RPSA2: variants seen among roughly 807,000 people sequenced by gnomAD.
The protein encoded by RPSA2 is ribosomal protein SA 2.
chr19:23,831,637 G>A, the RPSA2 span: 19 of 195,208 alleles, frequency 9.7e-5, no homozygotes, highest in East Asian at 3.0e-3. Flanking sequence ...GGCCAGAGCA[G>A]GGCATGGAAG....
chr19:23,766,600 G>A, the RPSA2 span, among the ~76,000 whole-genome samples: 1 of 151,208 alleles, frequency 6.6e-6, no homozygotes, highest in Non-Finnish European at 1.5e-5. Context: ...GACTACAGGC[G>A]CCCACCACCT....
the RPSA2 span, among the ~76,000 whole-genome samples, chr19:23,786,018 A>G: frequency 1.3e-5 from 2 of 152,198 alleles, no homozygotes; most frequent in Non-Finnish European, 1.5e-5. Flanking sequence ...CCATAATACA[A>G]TCCACAGTTA....
the RPSA2 span, among the ~76,000 whole-genome samples, chr19:23,803,403 A>AT: frequency 7.9e-5 from 12 of 151,004 alleles, no homozygotes; most frequent in African/African-American, 2.2e-4. Flanking sequence ...TAATTAAAAA[A>AT]ATTTTTTTTA....
chr19:23,812,503 C>A, the RPSA2 span, among the ~76,000 whole-genome samples: 2 of 148,696 alleles, frequency 1.3e-5, no homozygotes, highest in African/African-American at 4.9e-5. Context: ...TCAAGCAATT[C>A]TCCTGCCTCA....
At chr19:23,860,145 G>C in the RPSA2 span, among the ~76,000 whole-genome samples, 1 of 152,164 alleles carries the variant, frequency 6.6e-6, no homozygotes, top group Middle Eastern at 3.4e-3. Flanking sequence ...TCATATTACA[G>C]CCCTGCTGCA....
chr19:23,818,131 G>A, the RPSA2 span: 2 of 152,090 alleles, frequency 1.3e-5, no homozygotes, highest in African/African-American at 2.4e-5. Flanking sequence ...AATTTTTCAT[G>A]AAAAGGCAAG....
chr19:23,810,066 G>C, the RPSA2 span, among the ~76,000 whole-genome samples: 4 of 152,108 alleles, frequency 2.6e-5, no homozygotes, highest in Non-Finnish European at 5.9e-5. Context: ...TGCTGGGTTT[G>C]CACAAGGGTT....
chr19:23,780,014 C>T, the RPSA2 span, among the ~76,000 whole-genome samples: 1 of 152,160 alleles, frequency 6.6e-6, no homozygotes, highest in African/African-American at 2.4e-5. Context: ...CCAAGAAGTT[C>T]GTTGGTAACC....
the RPSA2 span, among the ~76,000 whole-genome samples, chr19:23,863,957 A>G: frequency 1.3e-5 from 2 of 152,320 alleles, no homozygotes; most frequent in East Asian, 1.9e-4. Flanking sequence ...CACCATGTTC[A>G]CCACATCTAC....
the RPSA2 span, among the ~76,000 whole-genome samples, chr19:23,814,186 T>C: frequency 6.9e-6 from 1 of 145,222 alleles, no homozygotes; most frequent in Admixed American, 7.1e-5. Flanking sequence ...CATTCCAGCC[T>C]GGGCAACAGA....
the RPSA2 span, chr19:23,832,830 C>G: frequency 6.4e-7 from 1 of 1,569,932 alleles, no homozygotes. Flanking sequence ...GCAAAGCTTT[C>G]AGCCAGTCCT....
chr19:23,851,218 A>T, the RPSA2 span, among the ~76,000 whole-genome samples: 1 of 6,304 alleles, frequency 1.6e-4, no homozygotes, highest in Non-Finnish European at 9.1e-3. Context: ...TTTAGGAGTT[A>T]GGCCCTCTGG....
chr19:23,848,147 TTAAAG>T, the RPSA2 span, among the ~76,000 whole-genome samples: 12 of 152,174 alleles, frequency 7.9e-5, no homozygotes, highest in Non-Finnish European at 1.2e-4. Context: ...GATTAAGAGA[TTAAAG>T]TAAGATAGGC....
the RPSA2 span, chr19:23,790,797 C>G: frequency 5.5e-6 from 3 of 540,868 alleles, no homozygotes; most frequent in South Asian, 4.4e-5. Flanking sequence ...GTTCCGACAT[C>G]TGGAGAGGGG....
chr19:23,793,560 A>G, the RPSA2 span, among the ~76,000 whole-genome samples: 1 of 151,064 alleles, frequency 6.6e-6, no homozygotes, highest in South Asian at 2.1e-4. Flanking sequence ...GGCTCAAGCA[A>G]TCTTCTTTTT....
At chr19:23,801,831 A>G in the RPSA2 span, among the ~76,000 whole-genome samples, 1 of 152,156 alleles carries the variant, frequency 6.6e-6, no homozygotes, top group Non-Finnish European at 1.5e-5. Context: ...TCAAGTTACA[A>G]TGCTTAAGCT....
chr19:23,855,364 T>G, the RPSA2 span, among the ~76,000 whole-genome samples: 1 of 152,194 alleles, frequency 6.6e-6, no homozygotes, highest in Non-Finnish European at 1.5e-5. Flanking sequence ...AAAGAGTCTG[T>G]AATACCATTT....
the RPSA2 span, among the ~76,000 whole-genome samples, chr19:23,815,389 A>ATCTTG: frequency 6.9e-5 from 1 of 14,390 alleles, no homozygotes; most frequent in Admixed American, 7.0e-4. Flanking sequence ...CTTCATAAAT[A>ATCTTG]GCTGGTAATC....
chr19:23,813,679 C>T, the RPSA2 span, among the ~76,000 whole-genome samples: 1 of 150,272 alleles, frequency 6.7e-6, no homozygotes, highest in East Asian at 2.0e-4. Flanking sequence ...ACATTTATAA[C>T]ATAAAATAAT....
Sources: allele counts gnomAD v4.1 joint callset (sites outside exome capture counted in the v4.1 genomes callset), GRCh38; gene constraint gnomAD v4.1.1; transcripts MANE v1.5; gene names NCBI Gene and HGNC (gene_info 2026-07-23, HGNC 2026-07-21).